The following PRDM16 variants were observed in gnomAD, a reference collection of about 807,000 sequenced individuals.
PRDM16 encodes PR/SET domain 16.
A neutral mutation model predicts 110.6 loss-of-function variants in PRDM16; 23 were observed. That is an observed-to-expected ratio of 0.21 (90% CI 0.15 to 0.29). PRDM16 has a LOEUF of 0.29. Among genes scored for constraint, PRDM16 ranks in the 10% least tolerant of loss-of-function variants. PRDM16 has a pLI of 1.00. For synonymous variants in PRDM16, 799 were observed against 781.8 expected (o/e 1.02, Z -0.37); for missense variants, 1,615 against 1,794.3 (o/e 0.90, Z 1.81).
At position 3,290,424 on chromosome 1, in the gene PRDM16, C is replaced by T. The variant is rs1375855823; in HGVS notation, c.438+46287C>T. Among the ~76,000 whole-genome samples the T allele has an allele frequency of 6.6e-6, 1 of 152,220 alleles. No individual in the cohort carries two copies. Among genetic ancestry groups the T allele is most frequent in the Non-Finnish European group, 1.5e-5 (1 of 68,034 alleles). On this transcript the variant is annotated intron_variant, in intron 3 of 16. Coordinates refer to ENST00000270722, the MANE Select transcript of PRDM16 (RefSeq NM_022114.4). This position sits in a 1 kb window ranked among gnomAD's most constrained non-coding sequence, Gnocchi z 4.8. ...GAAATTTGCCGGTTCCCCAAAGAGCCTGCTGCCTCCACCTGCTGTGTTCGA... is the reference window on the plus strand; with the variant it reads ...GAAATTTGCCGGTTCCCCAAAGAGCTTGCTGCCTCCACCTGCTGTGTTCGA...
At chr1:3,322,193 G>A (rs1343686715) in intron 3 of PRDM16, among the ~76,000 whole-genome samples, 1 of 151,584 alleles carries the variant, frequency 6.6e-6, no homozygotes, top group East Asian at 1.9e-4. Context: ...GTGTGTGAGA[G>A]TGGGTGTGCA....
At chr1:3,410,451 T>C (rs888902443) in intron 8 of PRDM16, among the ~76,000 whole-genome samples, 2 of 152,182 alleles carry the variant, frequency 1.3e-5, no homozygotes, top group Non-Finnish European at 2.9e-5. Flanking sequence ...ATAGTCCCTC[T>C]GCATAGGGCT....
At chr1:3,378,924 G>C (rs1387348706) in intron 3 of PRDM16, among the ~76,000 whole-genome samples, 2 of 151,954 alleles carry the variant, frequency 1.3e-5, no homozygotes, top group Non-Finnish European at 2.9e-5. Flanking sequence ...TTCCCAGATG[G>C]GTCCAGCAGG....
intron 2 of PRDM16, among the ~76,000 whole-genome samples, chr1:3,240,069 AGGAG>A (rs1343589353): frequency 2.5e-5 from 3 of 120,066 alleles, no homozygotes; most frequent in Non-Finnish European, 3.4e-5. Context: ...AGGAGAGGAG[AGGAG>A]AGGAGAGGAG....
chr1:3,091,742 T>C (rs753735106), intron 1 of PRDM16, among the ~76,000 whole-genome samples: 1 of 152,070 alleles, frequency 6.6e-6, no homozygotes, highest in African/African-American at 2.4e-5. Context: ...TGTCCCTCCA[T>C]AGATATATGG....
rs1279949264 is a variant in PRDM16 at position 3,291,390 on chromosome 1, C to T, written c.438+47253C>T. Reference sequence around the variant, plus strand: ...TGTTGCTTCCTCTGCACCGCAGGGGCCAGGTAGCTGCCATGGAGTTGTCTG... The same window carrying T: ...TGTTGCTTCCTCTGCACCGCAGGGGTCAGGTAGCTGCCATGGAGTTGTCTG... On this transcript the variant is annotated intron_variant, in intron 3 of 16. Transcript: ENST00000270722. 3.9e-5 allele frequency among the ~76,000 whole-genome samples: 6 copies of T among 152,204 alleles called. No individual in the cohort carries two copies. The East Asian group carries it at 1.2e-3, about 29-fold the overall frequency.
intron 10 of PRDM16, 99 bp downstream of exon 10, chr1:3,414,746 C>T: frequency 1.1e-6 from 1 of 874,194 alleles, no homozygotes; most frequent in Non-Finnish European, 1.8e-6. Context: ...AGCCTAAGTC[C>T]CCGTCCAGGC....
intron 3 of PRDM16, among the ~76,000 whole-genome samples, chr1:3,356,441 G>T (rs138001429): frequency 7.9e-5 from 12 of 152,346 alleles, no homozygotes; most frequent in East Asian, 5.8e-4. Context: ...AGACGGGAGT[G>T]GGGGAGGCAA....
chr1:3,185,901 A>C (rs1482072134), intron 1 of PRDM16, among the ~76,000 whole-genome samples: 7 of 152,166 alleles, frequency 4.6e-5, no homozygotes, highest in Admixed American at 4.6e-4. Context: ...GCCCCAAAGG[A>C]GCCTGGTAGG....
At chr1:3,073,699 C>T (rs1641821543) in intron 1 of PRDM16, among the ~76,000 whole-genome samples, 1 of 152,152 alleles carries the variant, frequency 6.6e-6, no homozygotes, top group South Asian at 2.1e-4. Context: ...CCGGTAGTCT[C>T]GGCCGACTTC....
chr1:3,072,436 G>A (rs1030044354), intron 1 of PRDM16, among the ~76,000 whole-genome samples: 2 of 152,156 alleles, frequency 1.3e-5, no homozygotes, highest in African/African-American at 4.8e-5. Context: ...CAGGGCTGGG[G>A]GAGTGTCCTC....
intron 1 of PRDM16, among the ~76,000 whole-genome samples, chr1:3,096,984 T>C (rs1174118337): frequency 6.6e-6 from 1 of 152,152 alleles, no homozygotes; most frequent in Non-Finnish European, 1.5e-5. Flanking sequence ...GGCTTTCCAG[T>C]AGAGTCTCGG....
rs368912544 is a variant in PRDM16, at chr1:3,181,024, T to C, written c.38-5101T>C. 5.9e-4 allele frequency among the ~76,000 whole-genome samples: 80 copies of C among 134,816 alleles called. 3 individuals carry two copies. The East Asian group carries it at 0.021, about 35-fold the overall frequency. 88.4% of individuals were successfully genotyped at this position (134,816 alleles called of 152,430 possible). Reference sequence around the variant, plus strand: ...CTTACACGCGGTCTTACAAATGCGGTCTTACACGCGGTCTTACACACGCAG... The same window carrying C: ...CTTACACGCGGTCTTACAAATGCGGCCTTACACGCGGTCTTACACACGCAG... On this transcript the variant is annotated intron_variant, in intron 1 of 16. Coordinates refer to ENST00000270722, the MANE Select transcript of PRDM16 (RefSeq NM_022114.4).
At position 3,403,000 on chromosome 1, in the gene PRDM16, T is replaced by A; in HGVS notation, c.884+2T>A. On this transcript the variant is annotated splice_donor_variant, in intron 6 of 16. Coordinates refer to ENST00000270722, the MANE Select transcript of PRDM16 (RefSeq NM_022114.4). LOFTEE classifies it high-confidence loss of function. ...GCGGATGTTCCCCAACAAGTACAGG[T>A]GCCACGCCCTCCTCTGAGTCTTCCT... 1 of 1,606,886 alleles carries A rather than the reference T, an allele frequency of 6.2e-7. No individual in the cohort carries two copies. Among genetic ancestry groups the A allele is most frequent in the South Asian group, 1.1e-5 (1 of 90,914 alleles).
At chr1:3,314,590 C>G (rs1156938012) in intron 3 of PRDM16, among the ~76,000 whole-genome samples, 1 of 151,808 alleles carries the variant, frequency 6.6e-6, no homozygotes, top group African/African-American at 2.4e-5. Context: ...TCCTCTCTCT[C>G]CCCCCCTCCC....
At chr1:3,306,344 C>T (rs1490748609) in intron 3 of PRDM16, among the ~76,000 whole-genome samples, 1 of 152,208 alleles carries the variant, frequency 6.6e-6, no homozygotes. Flanking sequence ...GAGGCCAAGA[C>T]ACAGGGTGCA....
rs142842091 is a variant in PRDM16, at chr1:3,114,344, G to A, written c.37+45048G>A. ...ACACGCAGTGTAAACAGACGCGCAC[G>A]CATGCACACATGCACACACGCACAC... On this transcript the variant is annotated intron_variant, in intron 1 of 16. Coordinates refer to ENST00000270722, the MANE Select transcript of PRDM16 (RefSeq NM_022114.4). Among the ~76,000 whole-genome samples the A allele has an allele frequency of 2.7e-3, 356 of 132,336 alleles. 1 individual carries two copies. The highest frequency in any genetic ancestry group is 8.9e-3 in the African/African-American group (299 of 33,780). 86.8% of individuals were successfully genotyped at this position (132,336 alleles called of 152,430 possible).
At position 3,181,027 on chromosome 1, in the gene PRDM16, TACACGCGGTCTTAC is replaced by T. The variant is rs1449187651; in HGVS notation, c.38-5091_38-5078del. Among the ~76,000 whole-genome samples, 16 of 129,754 alleles carry T rather than the reference TACACGCGGTCTTAC, an allele frequency of 1.2e-4. 1 individual carries two copies. The East Asian group carries it at 1.4e-3, about 12-fold the overall frequency. 85.1% of individuals were successfully genotyped at this position (129,754 alleles called of 152,430 possible). On this transcript the variant is annotated intron_variant, in intron 1 of 16. Transcript: ENST00000270722. ...ACACGCGGTCTTACAAATGCGGTCT[TACACGCGGTCTTAC>T]ACACGCAGTCTTACACGCGGTCTTA...
In PRDM16 at chr1:3,390,340, G is replaced by A. The variant is rs1643277480; in HGVS notation, c.573+5054G>A. On this transcript the variant is annotated intron_variant, in intron 4 of 16. Coordinates refer to ENST00000270722, the MANE Select transcript of PRDM16 (RefSeq NM_022114.4). This position sits in a 1 kb window ranked among gnomAD's most constrained non-coding sequence, Gnocchi z 5.0. ...CAAATGTCGGGGAGCTGGACTCAGG[G>A]GTGCGGGCCCCCCAGCGTACCACGG... 6.6e-6 allele frequency among the ~76,000 whole-genome samples: 1 copy of A among 152,166 alleles called. No homozygotes were observed. Among genetic ancestry groups the A allele is most frequent in the Non-Finnish European group, 1.5e-5 (1 of 68,028 alleles).
Sources: allele counts gnomAD v4.1 joint callset (sites outside exome capture counted in the v4.1 genomes callset), GRCh38; gene constraint gnomAD v4.1.1; non-coding constraint Gnocchi (gnomAD v3.1); transcripts MANE v1.5; gene names NCBI Gene and HGNC (gene_info 2026-07-23, HGNC 2026-07-21).